WAPL: variants seen among roughly 807,000 people sequenced by gnomAD.
WAPL encodes the protein WAPL cohesin release factor, also known as wings apart-like protein homolog.
Under a neutral mutation model 121.0 loss-of-function variants are expected in WAPL, and 5 were observed. The ratio of observed to expected loss-of-function variants is 0.04; its 90% CI spans 0.02 to 0.09. The LOEUF (loss-of-function observed/expected upper bound fraction) is 0.09, where lower values mean the gene tolerates loss of function less well. Ranked by LOEUF, WAPL falls within the 10% of genes least tolerant of loss-of-function variation. The probability of loss-of-function intolerance (pLI) is 1.00; values close to 1 mark genes in which losing one functional copy is unlikely to be tolerated. For missense variants in WAPL, 999 were observed against 1,410.8 expected (o/e 0.71, Z 4.68); for synonymous variants, 480 against 481.5 (o/e 1.00, Z 0.04).
At position 86,517,587 on chromosome 10, in the gene WAPL, A is replaced by G; in HGVS notation, c.483T>C (p.Asn161=). 6.2e-7 allele frequency: 1 copy of G among 1,607,760 alleles called. No individual in the cohort carries two copies. The highest frequency in any genetic ancestry group is 8.5e-7 in the Non-Finnish European group (1 of 1,175,984). The change falls in exon 2 of 19, where the codon AAT becomes AAC. Residue 161 remains asparagine, a synonymous_variant. Transcript: ENST00000298767. ...VEDDASISSC[N]KLITSDKVEN... Reference sequence around the variant, plus strand: ...AAAACTTACCTGAAGTTATTAATTTATTACAGCTACTTATGCTTGCATCAT... The same window carrying G: ...AAAACTTACCTGAAGTTATTAATTTGTTACAGCTACTTATGCTTGCATCAT...
intron 18 of WAPL, 27 bp downstream of exon 18, chr10:86,437,893 A>C: frequency 6.6e-7 from 1 of 1,513,346 alleles, no homozygotes; most frequent in African/African-American, 1.4e-5. Context: ...ATTTAAAATC[A>C]TATAAGCTGT....
rs1466838054 is a variant in WAPL at position 86,452,134 on chromosome 10, TC to T, written c.2950-4del. 2 of 1,611,258 alleles carry T rather than the reference TC, an allele frequency of 1.2e-6. No homozygotes were observed. The highest frequency in any genetic ancestry group is 4.5e-5 in the East Asian group (2 of 44,852). On this transcript the variant is annotated splice_region_variant and splice_polypyrimidine_tract_variant and intron_variant, in intron 14 of 18. Transcript: ENST00000298767. ...AGATTTATCAGCAGACCTAAGCCCT[TC>T]AAAAAGTTTAAAAGACACATATTAT...
At chr10:86,446,178 TG>T in intron 16 of WAPL, 63 bp downstream of exon 16, 1 of 1,572,406 alleles carries the variant, frequency 6.4e-7, no homozygotes, top group Non-Finnish European at 8.7e-7. Flanking sequence ...TAAAATAGTT[TG>T]AAGAAAAAAA....
chr10:86,461,778 A>T (rs1841280645), intron 9 of WAPL, among the ~76,000 whole-genome samples: 1 of 152,232 alleles, frequency 6.6e-6, no homozygotes, highest in African/African-American at 2.4e-5. Context: ...TTACAACGAC[A>T]GTAACCTTGA....
At chr10:86,470,784 T>G (rs907048881) in intron 8 of WAPL, among the ~76,000 whole-genome samples, 12 of 152,184 alleles carry the variant, frequency 7.9e-5, no homozygotes, top group African/African-American at 2.9e-4. Context: ...AAATGACACA[T>G]TAAGAAAAAA....
At chr10:86,494,956 C>T (rs144402546) in intron 4 of WAPL, among the ~76,000 whole-genome samples, 3 of 152,156 alleles carry the variant, frequency 2.0e-5, no homozygotes, top group Admixed American at 6.5e-5. Context: ...CACCTAAGCA[C>T]CTGGGAGTGC....
intron 4 of WAPL, among the ~76,000 whole-genome samples, chr10:86,496,492 A>G (rs1180778288): frequency 6.6e-6 from 1 of 152,182 alleles, no homozygotes; most frequent in Non-Finnish European, 1.5e-5. Context: ...CTGTATGCCA[A>G]CCTTCACAGC....
chr10:86,442,765 C>A (rs1849500865), intron 17 of WAPL, among the ~76,000 whole-genome samples: 1 of 152,114 alleles, frequency 6.6e-6, no homozygotes, highest in Admixed American at 6.5e-5. Flanking sequence ...AATGGCCGGG[C>A]ACGGTGGCTC....
rs1000015941 is a variant in WAPL at position 86,471,225 on chromosome 10, T to C, written c.2031-122A>G. The C allele has an allele frequency of 6.4e-5, 40 of 627,660 alleles. No individual in the cohort carries two copies. The Middle Eastern group carries it at 1.4e-3, about 22-fold the overall frequency. The allele number at this position is 627,660 out of a possible 1,614,324, so 38.9% of individuals were successfully genotyped here. On this transcript the variant is annotated intron_variant, in intron 7 of 18. Transcript: ENST00000298767. Reference sequence around the variant, plus strand: ...AAAGGGTCAAAGCATTGCCCATACATGATCACAATATAAAAACCATAGGCA... The same window carrying C: ...AAAGGGTCAAAGCATTGCCCATACACGATCACAATATAAAAACCATAGGCA...
At chr10:86,485,345 C>T (rs1202746426) in intron 4 of WAPL, among the ~76,000 whole-genome samples, 2 of 151,980 alleles carry the variant, frequency 1.3e-5, no homozygotes, top group Non-Finnish European at 2.9e-5. Context: ...GAGTTCAAGA[C>T]CAACATGGTA....
At position 86,472,394 on chromosome 10, in the gene WAPL, T is replaced by G; in HGVS notation, c.1894-50A>C. The G allele has an allele frequency of 6.3e-7, 1 of 1,575,602 alleles. No individual in the cohort carries two copies. The highest frequency in any genetic ancestry group is 8.6e-7 in the Non-Finnish European group (1 of 1,168,934). On this transcript the variant is annotated intron_variant, in intron 6 of 18. Coordinates refer to ENST00000298767, the MANE Select transcript of WAPL (RefSeq NM_015045.5). This position sits in a 1 kb window ranked among gnomAD's most constrained non-coding sequence, Gnocchi z 4.2. ...CCTTTTTAACTAGGAACTAGCATAT[T>G]TAAATCTATGGGCTCACTGTACTTT...
intron 15 of WAPL, among the ~76,000 whole-genome samples, chr10:86,449,670 G>C (rs1396677556): frequency 1.3e-5 from 2 of 152,186 alleles, no homozygotes; most frequent in Admixed American, 6.5e-5. Context: ...GGATAATGCA[G>C]ATCTATCATC....
chr10:86,491,012 G>A (rs1227781391), intron 4 of WAPL, among the ~76,000 whole-genome samples: 13 of 151,276 alleles, frequency 8.6e-5, no homozygotes, highest in Non-Finnish European at 1.8e-4. Context: ...GCAGTGAGCC[G>A]AGATCATGCC....
At chr10:86,486,807 T>C (rs1476418418) in intron 4 of WAPL, among the ~76,000 whole-genome samples, 1 of 151,874 alleles carries the variant, frequency 6.6e-6, no homozygotes, top group East Asian at 1.9e-4. Context: ...ATACAAAAAA[T>C]TAGCTGGACG....
intron 2 of WAPL, among the ~76,000 whole-genome samples, chr10:86,510,151 T>A (rs1441589845): frequency 7.1e-6 from 1 of 141,060 alleles, no homozygotes; most frequent in Non-Finnish European, 1.5e-5. Context: ...CTTGACTCAC[T>A]GCAACCTCTG....
At chr10:86,474,088 C>A (rs1841596794) in intron 4 of WAPL, 115 bp from the exon 5 acceptor site, 2 of 793,578 alleles carry the variant, frequency 2.5e-6, no homozygotes, top group Admixed American at 4.4e-5. Context: ...AGGATGGATA[C>A]TATCTGGGAA....
intron 3 of WAPL, among the ~76,000 whole-genome samples, chr10:86,498,453 C>A (rs1270804288): frequency 6.6e-6 from 1 of 151,912 alleles, no homozygotes; most frequent in Non-Finnish European, 1.5e-5. Context: ...CTGTGTATGT[C>A]TAGTTTTGAA....
intron 8 of WAPL, among the ~76,000 whole-genome samples, chr10:86,468,448 T>C (rs1365049026): frequency 3.9e-5 from 6 of 152,168 alleles, no homozygotes; most frequent in East Asian, 3.9e-4. Flanking sequence ...TCCACCCACC[T>C]TGGCCTCTCA....
Position 86,519,674 on chromosome 10 carries a change from A to G in WAPL, c.-22-1583T>C, listed in dbSNP as rs76827252. ...TCTTGTTAAGTACAGCCTAAACAAA[A>G]CAGGATACTGGGCAACTACCACGGA... On this transcript the variant is annotated intron_variant, in intron 1 of 18. Coordinates refer to ENST00000298767, the MANE Select transcript of WAPL (RefSeq NM_015045.5). Among the ~76,000 whole-genome samples, 1,457 of 152,346 alleles carry G rather than the reference A, an allele frequency of 9.6e-3. 30 individuals carry two copies. The highest frequency in any genetic ancestry group is 0.033 in the African/African-American group (1,354 of 41,566).
Sources: gnomAD v4.1 joint callset for allele counts (sites outside exome capture counted in the v4.1 genomes callset) on GRCh38, gnomAD v4.1.1 for gene constraint, Gnocchi (gnomAD v3.1) non-coding constraint, MANE v1.5 for transcripts, NCBI Gene and HGNC (gene_info 2026-07-23, HGNC 2026-07-21) for gene names.